Variants in SH3BP4 observed in about 807,000 individuals in gnomAD.
SH3BP4 encodes SH3 domain-binding protein 4.
SH3BP4 carries 33 observed loss-of-function variants against 65.5 expected under a neutral mutation model. The observed-to-expected ratio is 0.50, with a 90% CI of 0.38 to 0.67. The LOEUF (loss-of-function observed/expected upper bound fraction) is 0.67, where lower values mean the gene tolerates loss of function less well. Ranked by LOEUF, SH3BP4 falls within the 30% of genes least tolerant of loss-of-function variation. The pLI, the probability that SH3BP4 is intolerant of heterozygous loss-of-function variation, is 0.00. For synonymous variants in SH3BP4, 552 were observed against 545.5 expected (o/e 1.01, Z -0.17); for missense variants, 1,134 against 1,261.4 (o/e 0.90, Z 1.53).
Position 235,043,085 on chromosome 2 carries a change from C to T in SH3BP4, c.2316C>T (p.Phe772=), listed in dbSNP as rs1468602238. 2.4e-5 allele frequency: 38 copies of T among 1,613,288 alleles called. No homozygotes were observed. Among genetic ancestry groups the T allele is most frequent in the South Asian group, 4.4e-5 (4 of 91,014 alleles). ...AGAACATCAGCAGCTGGCGCTCCTT[C>T]GCTGACGCCCTGGGCTACGTGAACC... ...LMENISSWRS[F]ADALGYVNLP... Residue 772 remains phenylalanine (F), a synonymous_variant, in exon 4 of 6, where the codon TTC becomes TTT. Coordinates refer to ENST00000392011, the MANE Select transcript of SH3BP4 (RefSeq NM_014521.3).
Position 235,042,413 on chromosome 2 carries a change from C to G in SH3BP4, c.1644C>G (p.Tyr548Ter). The G allele has an allele frequency of 6.2e-7, 1 of 1,614,128 alleles. No individual in the cohort carries two copies. The highest frequency in any genetic ancestry group is 8.5e-7 in the Non-Finnish European group (1 of 1,180,038). ...KVCMFSNMTN[Y>*]EVKASEQAKV... The stretch of plus-strand genomic sequence containing the variant: ...GTATGTTTTCCAATATGACGAATTA[C>G]GAGGTCAAAGCCAGCGAGCAGGCCA... The change falls in exon 4 of 6, where the codon TAC becomes TAG. Residue 548 changes from tyrosine to a stop codon, truncating the protein, a stop_gained. Coordinates refer to ENST00000392011, the MANE Select transcript of SH3BP4 (RefSeq NM_014521.3). LOFTEE classifies it high-confidence loss of function. The surrounding 1 kb of genome is among the most constrained non-coding windows in gnomAD (Gnocchi z 7.3).
chr2:235,012,238 A>G lies in SH3BP4; in HGVS notation c.-133+16862A>G, dbSNP rs115920050. Among the ~76,000 whole-genome samples the G allele has an allele frequency of 3.5e-3, 529 of 152,256 alleles. 1 individual carries two copies. The highest frequency in any genetic ancestry group is 0.012 in the African/African-American group (507 of 41,552). On this transcript the variant is annotated intron_variant, in intron 2 of 5. Coordinates refer to ENST00000392011, the MANE Select transcript of SH3BP4 (RefSeq NM_014521.3). ...ATGGGAAGCGCCCTGACCTCGGCAG[A>G]CCATCCCTGGGGTCCCTGCTGCACA...
chr2:235,019,523 G>A (rs1694788367), intron 2 of SH3BP4, among the ~76,000 whole-genome samples: 2 of 147,018 alleles, frequency 1.4e-5, no homozygotes, highest in South Asian at 2.2e-4. Flanking sequence ...TGCCACCTCC[G>A]CCTCCTATGT....
intron 2 of SH3BP4, among the ~76,000 whole-genome samples, chr2:235,015,078 A>T (rs1476150543): frequency 1.3e-5 from 2 of 152,236 alleles, no homozygotes; most frequent in Non-Finnish European, 2.9e-5. Flanking sequence ...CTAAACCTTC[A>T]CTATGCGCAG....
Position 235,034,972 on chromosome 2 carries a change from T to C in SH3BP4, c.-31T>C. Reference sequence around the variant, plus strand: ...AACTGGAGGAAGAAATATGAAGCCTTAGCGGCTTTACCCGGGAAGCGAGTT... The same window carrying C: ...AACTGGAGGAAGAAATATGAAGCCTCAGCGGCTTTACCCGGGAAGCGAGTT... On this transcript the variant is annotated 5_prime_UTR_variant, in exon 3 of 6. An upstream open reading frame in the 5' UTR loses its in-frame stop. Coordinates refer to ENST00000392011, the MANE Select transcript of SH3BP4 (RefSeq NM_014521.3). The surrounding 1 kb of genome is among the most constrained non-coding windows in gnomAD (Gnocchi z 6.2). The C allele has an allele frequency of 2.5e-6, 4 of 1,568,710 alleles. No homozygotes were observed. The highest frequency in any genetic ancestry group is 3.5e-6 in the Non-Finnish European group (4 of 1,139,390).
intron 2 of SH3BP4, among the ~76,000 whole-genome samples, chr2:235,027,728 G>A (rs1695046228): frequency 6.6e-6 from 1 of 152,226 alleles, no homozygotes; most frequent in African/African-American, 2.4e-5. Flanking sequence ...TCCCCTCCAG[G>A]CCAGCTGCTT....
intron 1 of SH3BP4, among the ~76,000 whole-genome samples, chr2:234,966,084 A>G (rs1046038977): frequency 6.6e-6 from 1 of 152,178 alleles, no homozygotes; most frequent in African/African-American, 2.4e-5. Flanking sequence ...CTTCGGGAGA[A>G]AGAGGAGAAA....
chr2:235,036,740 A>AAAAAAAAATAATAATAATAATAATAAT lies in SH3BP4; in HGVS notation c.118+1622_118+1623insAAAAAATAATAATAATAATAATAATAA, dbSNP rs146049108. On this transcript the variant is annotated intron_variant, in intron 3 of 5. Coordinates refer to ENST00000392011, the MANE Select transcript of SH3BP4 (RefSeq NM_014521.3). ...ACTGCACTCTGAGACTCTATATAAAAAATAATAATAATAATAATGACAGTG... is the reference window on the plus strand; with the variant it reads ...ACTGCACTCTGAGACTCTATATAAAAAAAAAAAATAATAATAATAATAATAATAATAATAATAATAATAATGACAGTG... 1.9e-3 allele frequency among the ~76,000 whole-genome samples: 274 copies of AAAAAAAAATAATAATAATAATAATAAT among 141,772 alleles called. 1 individual carries two copies. Among genetic ancestry groups the AAAAAAAAATAATAATAATAATAATAAT allele is most frequent in the Middle Eastern group, 7.2e-3 (2 of 276 alleles). The allele number at this position is 141,772 out of a possible 152,430, so 93.0% of individuals were successfully genotyped here.
intron 2 of SH3BP4, among the ~76,000 whole-genome samples, chr2:234,998,277 T>A (rs565823486): frequency 8.6e-5 from 13 of 151,642 alleles, no homozygotes; most frequent in African/African-American, 3.2e-4. Flanking sequence ...CCCTCTAGAC[T>A]GGCCAATGGG....
rs903373109 is a variant in SH3BP4 at position 235,034,678 on chromosome 2, T to C, written c.-132-193T>C. Reference sequence around the variant, plus strand: ...GGGCTGTGTGTGCCCAGTGTGCCAATGAGACAAGCACAAAGTGGGCACAGA... The same window carrying C: ...GGGCTGTGTGTGCCCAGTGTGCCAACGAGACAAGCACAAAGTGGGCACAGA... On this transcript the variant is annotated intron_variant, in intron 2 of 5. Coordinates refer to ENST00000392011, the MANE Select transcript of SH3BP4 (RefSeq NM_014521.3). The surrounding 1 kb of genome is among the most constrained non-coding windows in gnomAD (Gnocchi z 6.2). Among the ~76,000 whole-genome samples, 1 of 152,138 alleles carries C rather than the reference T, an allele frequency of 6.6e-6. No individual in the cohort carries two copies. The highest frequency in any genetic ancestry group is 2.4e-5 in the African/African-American group (1 of 41,426).
At chr2:235,005,087 G>A (rs77615418) in intron 2 of SH3BP4, among the ~76,000 whole-genome samples, 22,638 of 152,236 alleles carry the variant, frequency 0.15, 1,978 homozygotes, top group Non-Finnish European at 0.2. Flanking sequence ...GTTAACACAG[G>A]ACTGCGAGGA....
At chr2:235,002,954 G>C (rs891586705) in intron 2 of SH3BP4, among the ~76,000 whole-genome samples, 2 of 152,244 alleles carry the variant, frequency 1.3e-5, no homozygotes, top group South Asian at 4.1e-4. Flanking sequence ...TGCTGATTCC[G>C]TTCTGCCTTT....
chr2:235,042,810 G>A lies in SH3BP4; in HGVS notation c.2041G>A (p.Asp681Asn), dbSNP rs1452058860. Residue 681 changes from aspartate (D) to asparagine (N), a missense_variant, in exon 4 of 6, where the codon GAC becomes AAC. Transcript: ENST00000392011. The surrounding 1 kb of genome is among the most constrained non-coding windows in gnomAD (Gnocchi z 7.3). ...CTACCTGCTGGAGTACAAGAAGGGC[G>A]ACGGGATCGCCCTGCTCAGCGAGGA... ...NHYLLEYKKG[D>N]GIALLSEERV... The A allele has an allele frequency of 2.5e-6, 4 of 1,614,028 alleles. No individual in the cohort carries two copies. The highest frequency in any genetic ancestry group is 1.6e-4 in the Middle Eastern group (1 of 6,062).
intron 2 of SH3BP4, among the ~76,000 whole-genome samples, chr2:235,003,790 C>A (rs1181324432): frequency 1.3e-5 from 2 of 152,228 alleles, no homozygotes; most frequent in East Asian, 3.8e-4. Context: ...GGGGGGCTTG[C>A]AGTGTCTGTA....
chr2:235,036,926 T>G (rs1160235703), intron 3 of SH3BP4, among the ~76,000 whole-genome samples: 1 of 151,818 alleles, frequency 6.6e-6, no homozygotes, highest in East Asian at 1.9e-4. Flanking sequence ...TCTCTGGCCT[T>G]GCCCAGAGAT....
intron 1 of SH3BP4, among the ~76,000 whole-genome samples, chr2:234,963,528 C>A (rs1692763203): frequency 6.6e-6 from 1 of 152,190 alleles, no homozygotes; most frequent in African/African-American, 2.4e-5. Flanking sequence ...GCGTTCTGCG[C>A]TTTTGGAGTG....
intron 4 of SH3BP4, among the ~76,000 whole-genome samples, chr2:235,050,790 G>A (rs1373598244): frequency 2.0e-5 from 3 of 152,088 alleles, no homozygotes; most frequent in African/African-American, 7.2e-5. Context: ...CCCTGCTATC[G>A]GCACAAAATA....
chr2:235,000,146 T>C (rs1694052911), intron 2 of SH3BP4, among the ~76,000 whole-genome samples: 3 of 152,152 alleles, frequency 2.0e-5, no homozygotes, highest in Admixed American at 1.3e-4. Context: ...CCCCAGGCAA[T>C]AGGGGAAGTG....
chr2:235,042,879 A>C lies in SH3BP4; in HGVS notation c.2110A>C (p.Ile704Leu). Reference sequence around the variant, plus strand: ...CCAGCTGTGGACCAAGGAGTGGTACATCGGCTACTACCAGGGCAGGGTGGG... The same window carrying C: ...CCAGCTGTGGACCAAGGAGTGGTACCTCGGCTACTACCAGGGCAGGGTGGG... ...RGQLWTKEWY[I>L]GYYQGRVGLV... Residue 704 changes from isoleucine (I) to leucine (L), a missense_variant, in exon 4 of 6, where the codon ATC becomes CTC. Ile to Leu is a conservative substitution (Grantham distance 5). Transcript: ENST00000392011. This position sits in a 1 kb window ranked among gnomAD's most constrained non-coding sequence, Gnocchi z 7.3. 1 of 1,613,606 alleles carries C rather than the reference A, an allele frequency of 6.2e-7. No individual in the cohort carries two copies. The highest frequency in any genetic ancestry group is 1.1e-5 in the South Asian group (1 of 91,082).
Sources: allele counts gnomAD v4.1 joint callset (sites outside exome capture counted in the v4.1 genomes callset), GRCh38; gene constraint gnomAD v4.1.1; non-coding constraint Gnocchi (gnomAD v3.1); transcripts MANE v1.5; gene names NCBI Gene and HGNC (gene_info 2026-07-23, HGNC 2026-07-21).